Variants in PHGDH observed in about 807,000 individuals in gnomAD.
The protein encoded by PHGDH is phosphoglycerate dehydrogenase, also known as D-3-phosphoglycerate dehydrogenase.
In PHGDH, 50 loss-of-function variants were observed where a neutral mutation model predicts 52.6. The ratio of observed to expected loss-of-function variants is 0.95; its 90% CI spans 0.76 to 1.20. The LOEUF (loss-of-function observed/expected upper bound fraction) is 1.20, where lower values mean the gene tolerates loss of function less well. Ranked by LOEUF, PHGDH falls within the 50% of genes most tolerant of loss-of-function variation. The pLI is 0.00. For synonymous variants in PHGDH, 271 were observed against 280.5 expected, an observed-to-expected ratio of 0.97 and a Z score of 0.34; for missense variants, 630 against 684.6, an observed-to-expected ratio of 0.92 and a Z score of 0.89.
At chr1:119,717,126 G>T (rs1650967012) in intron 1 of PHGDH, among the ~76,000 whole-genome samples, 1 of 149,426 alleles carries the variant, frequency 6.7e-6, no homozygotes, top group Non-Finnish European at 1.5e-5. Context: ...CAGCTACTCG[G>T]GAGGCTGAAG....
At chr1:119,741,639 C>G (rs1652211750) in intron 9 of PHGDH, 128 bp from the exon 10 acceptor site, 1 of 839,242 alleles carries the variant, frequency 1.2e-6, no homozygotes, top group Non-Finnish European at 2.1e-6. Context: ...CTGCCTGGAG[C>G]AAGCTGCCTT....
intron 3 of PHGDH, chr1:119,724,545 G>A: frequency 2.8e-6 from 1 of 363,528 alleles, no homozygotes; most frequent in South Asian, 2.1e-5. Flanking sequence ...AGCCTAGAAG[G>A]GGCCCCCAGG....
chr1:119,724,775 C>G (rs1046761360), intron 3 of PHGDH: 7 of 456,360 alleles, frequency 1.5e-5, no homozygotes, highest in Non-Finnish European at 2.6e-5. Context: ...TACTTTCCCT[C>G]CTTTTCCAGG....
intron 2 of PHGDH, among the ~76,000 whole-genome samples, chr1:119,722,031 A>C (rs1651190941): frequency 6.6e-6 from 1 of 152,144 alleles, no homozygotes; most frequent in Admixed American, 6.5e-5. Flanking sequence ...TGGGGACTTC[A>C]TTGTCCTTAA....
At chr1:119,724,758 C>G (rs923220112) in intron 3 of PHGDH, 12 of 455,946 alleles carry the variant, frequency 2.6e-5, no homozygotes, top group Non-Finnish European at 5.3e-5. Context: ...GGATTGGGAG[C>G]CAGCAATACT....
At position 119,743,933 on chromosome 1, in the gene PHGDH, C is replaced by T. The variant is rs1652328774; in HGVS notation, c.1495C>T (p.Leu499=). 1.2e-6 allele frequency: 2 copies of T among 1,613,640 alleles called. No homozygotes were observed. Among genetic ancestry groups the T allele is most frequent in the African/African-American group, 1.3e-5 (1 of 74,908 alleles). ...GCGGCTGCTGTCCTACCAGACTTCA[C>T]TGGTGTCAGATGGGGAGACCTGGCA... The part of the protein sequence containing the change: ...GVRLLSYQTS[L]VSDGETWHVM... Residue 499 remains leucine, a synonymous_variant, in exon 12 of 12, where the codon CTG becomes TTG. Transcript: ENST00000641023.
intron 1 of PHGDH, chr1:119,720,786 T>C (rs1027419812): frequency 1.2e-5 from 4 of 341,870 alleles, no homozygotes; most frequent in Non-Finnish European, 2.3e-5. Context: ...AATGATAGGG[T>C]ATACAGAGAG....
At chr1:119,720,894 G>C (rs587748137) in intron 1 of PHGDH, 130 of 445,612 alleles carry the variant, frequency 2.9e-4, no homozygotes, top group African/African-American at 2.5e-3. Context: ...GGTGCCCAGA[G>C]CCCATGGGCC....
intron 5 of PHGDH, among the ~76,000 whole-genome samples, chr1:119,728,484 C>T (rs1275300890): frequency 6.6e-6 from 1 of 152,162 alleles, no homozygotes; most frequent in Non-Finnish European, 1.5e-5. Context: ...GCTGGAAGAC[C>T]TCACACCGGT....
At chr1:119,720,807 T>C (rs1051482158) in intron 1 of PHGDH, 4 of 359,272 alleles carry the variant, frequency 1.1e-5, no homozygotes, top group Admixed American at 3.8e-5. Flanking sequence ...GAACAGGAGA[T>C]GGCCCCTGAC....
At chr1:119,723,217 C>T (rs1651255306) in intron 2 of PHGDH, among the ~76,000 whole-genome samples, 159 bp from the exon 3 acceptor site, 1 of 152,152 alleles carries the variant, frequency 6.6e-6, no homozygotes, top group Non-Finnish European at 1.5e-5. Flanking sequence ...CAGCCCTTGG[C>T]TTAGGGCGAG....
intron 5 of PHGDH, among the ~76,000 whole-genome samples, chr1:119,732,963 G>A (rs1478999017): frequency 6.6e-6 from 1 of 152,204 alleles, no homozygotes; most frequent in Non-Finnish European, 1.5e-5. Flanking sequence ...AGATGAACAG[G>A]GCCATTGTTC....
chr1:119,722,391 T>C (rs1052704011), intron 2 of PHGDH, among the ~76,000 whole-genome samples: 1 of 152,164 alleles, frequency 6.6e-6, no homozygotes, highest in Non-Finnish European at 1.5e-5. Context: ...GGTGAACACG[T>C]ATATGAAATT....
chr1:119,737,797 A>G (rs776075834), intron 8 of PHGDH, among the ~76,000 whole-genome samples: 2 of 152,078 alleles, frequency 1.3e-5, no homozygotes, highest in Non-Finnish European at 2.9e-5. Context: ...TGCTTCCATC[A>G]AGCCCTTCCT....
chr1:119,733,978 G>A (rs1023418968), intron 5 of PHGDH, among the ~76,000 whole-genome samples: 1 of 152,206 alleles, frequency 6.6e-6, no homozygotes, highest in Non-Finnish European at 1.5e-5. Context: ...TTTCCACACA[G>A]TGGGCAGTGA....
rs747068304 is a variant in PHGDH, at chr1:119,744,030, T to TCGAA, written c.1593_1594insGAAC (p.His532GlufsTer24). 1.9e-6 allele frequency: 3 copies of TCGAA among 1,614,154 alleles called. No homozygotes were observed. Among genetic ancestry groups the TCGAA allele is most frequent in the Non-Finnish European group, 2.5e-6 (3 of 1,180,012 alleles). Reference sequence around the variant, plus strand: ...CAGCATGTGACTGAAGCCTTCCAGTTCCACTTCTAACCTTGGAGCTCACTG... The same window carrying TCGAA: ...CAGCATGTGACTGAAGCCTTCCAGTTCGAACCACTTCTAACCTTGGAGCTCACTG... On this transcript the variant is annotated frameshift_variant, in exon 12 of 12. Transcript: ENST00000641023. LOFTEE classifies it high-confidence loss of function.
At chr1:119,742,685 A>G (rs1485005143) in intron 10 of PHGDH, 122 bp from the exon 11 acceptor site, 2 of 726,390 alleles carry the variant, frequency 2.8e-6, no homozygotes, top group African/African-American at 3.5e-5. Flanking sequence ...CTGGTCCTGA[A>G]TTACTGAGCA....
chr1:119,736,556 G>A (rs1294777718), intron 7 of PHGDH, among the ~76,000 whole-genome samples: 1 of 152,232 alleles, frequency 6.6e-6, no homozygotes, highest in Non-Finnish European at 1.5e-5. Context: ...GGAGGGTGGG[G>A]TGGAGGTGCC....
At position 119,712,084 on chromosome 1, in the gene PHGDH, A is replaced by G. The variant is rs891735095; in HGVS notation, c.62A>G (p.Lys21Arg). ...GACAGCCTGGACCCTTGCTGCCGGAAGATCTTGCAAGATGGAGGGCTGCAG... is the reference window on the plus strand; with the variant it reads ...GACAGCCTGGACCCTTGCTGCCGGAGGATCTTGCAAGATGGAGGGCTGCAG... Reference protein sequence around the residue: ...ISDSLDPCCRKILQDGGLQVV... With the variant: ...ISDSLDPCCRRILQDGGLQVV... Residue 21 changes from lysine (K) to arginine (R), a missense_variant, in exon 1 of 12, where the codon AAG becomes AGG. Physicochemically the swap from Lys to Arg is conservative, Grantham distance 26. Coordinates refer to ENST00000641023, the MANE Select transcript of PHGDH (RefSeq NM_006623.4). 6.2e-7 allele frequency: 1 copy of G among 1,614,102 alleles called. No homozygotes were observed. The highest frequency in any genetic ancestry group is 8.5e-7 in the Non-Finnish European group (1 of 1,179,932).
Sources: allele counts gnomAD v4.1 joint callset (sites outside exome capture counted in the v4.1 genomes callset), GRCh38; gene constraint gnomAD v4.1.1; transcripts MANE v1.5; gene names NCBI Gene and HGNC (gene_info 2026-07-23, HGNC 2026-07-21).